Variants in SDK1 observed in about 807,000 individuals in gnomAD.
The protein encoded by SDK1 is sidekick cell adhesion molecule 1.
SDK1 carries 157 observed loss-of-function variants against 245.5 expected under a neutral mutation model. That is an observed-to-expected ratio of 0.64 (90% CI 0.56 to 0.73). The LOEUF (loss-of-function observed/expected upper bound fraction) is 0.73. Among genes scored for constraint, SDK1 ranks in the 30% least tolerant of loss-of-function variants. The pLI is 0.00. For synonymous variants in SDK1, 1,647 were observed against 1,278.5 expected (o/e 1.29, Z -6.15); for missense variants, 3,583 against 3,002.3 (o/e 1.19, Z -4.52).
At chr7:3,823,511 G>A (rs1195371011) in intron 5 of SDK1, among the ~76,000 whole-genome samples, 2 of 152,164 alleles carry the variant, frequency 1.3e-5, no homozygotes, top group Non-Finnish European at 2.9e-5. Context: ...AAAATAAAGC[G>A]AGTACAGTGA....
intron 19 of SDK1, among the ~76,000 whole-genome samples, chr7:4,065,701 T>G (rs951584263): frequency 0.035 from 2,758 of 78,586 alleles, 25 homozygotes; most frequent in African/African-American, 0.047. Flanking sequence ...GTTGTTTTTT[T>G]TTTTTTTTTT....
rs551185760 is a variant in SDK1, at chr7:3,903,550, G to GA, written c.848-47369dup. 2.6e-5 allele frequency among the ~76,000 whole-genome samples: 4 copies of GA among 152,262 alleles called. No homozygotes were observed. The East Asian group carries it at 7.7e-4, about 29-fold the overall frequency. On this transcript the variant is annotated intron_variant, in intron 5 of 44. Coordinates refer to ENST00000404826, the MANE Select transcript of SDK1 (RefSeq NM_152744.4). ...ATTGTAAAAGGGTACAGCTGCTGTG[G>GA]AAAAGAGTTTGGCATTTCCTCAAAA...
intron 5 of SDK1, among the ~76,000 whole-genome samples, chr7:3,893,184 G>T (rs1253242456): frequency 1.3e-5 from 2 of 152,130 alleles, no homozygotes; most frequent in African/African-American, 4.8e-5. Flanking sequence ...GAAATTTTTT[G>T]TTGTGTTGAG....
chr7:3,893,923 C>G (rs896552490), intron 5 of SDK1, among the ~76,000 whole-genome samples: 2 of 152,118 alleles, frequency 1.3e-5, no homozygotes, highest in Non-Finnish European at 2.9e-5. Context: ...CAGGTTTACA[C>G]TGGAATTAGA....
At chr7:4,076,945 T>C (rs748687029) in intron 20 of SDK1, 53 bp from the exon 21 acceptor site, 16 of 1,497,240 alleles carry the variant, frequency 1.1e-5, no homozygotes, top group Non-Finnish European at 1.5e-5. Flanking sequence ...GGAATTCAGG[T>C]GAGCCCTTGG....
At chr7:3,956,872 C>T (rs377531631) in intron 7 of SDK1, among the ~76,000 whole-genome samples, 1 of 152,286 alleles carries the variant, frequency 6.6e-6, no homozygotes, top group East Asian at 1.9e-4. Context: ...GTGGAGTGCC[C>T]GTCTCCCTGA....
intron 1 of SDK1, among the ~76,000 whole-genome samples, chr7:3,493,310 T>A (rs1781920755): frequency 6.6e-6 from 1 of 152,208 alleles, no homozygotes; most frequent in African/African-American, 2.4e-5. Context: ...TTCATCTAAC[T>A]GTCCATTCAG....
chr7:3,404,293 G>T (rs900840757), intron 1 of SDK1, among the ~76,000 whole-genome samples: 55 of 152,194 alleles, frequency 3.6e-4, no homozygotes, highest in African/African-American at 1.3e-3. Context: ...ATATGTTTCT[G>T]TGTATATTTA....
chr7:3,522,810 C>T (rs1387788949), intron 1 of SDK1, among the ~76,000 whole-genome samples: 4 of 152,056 alleles, frequency 2.6e-5, no homozygotes, highest in East Asian at 1.9e-4. Context: ...AAATTGTTTC[C>T]GTGTTGATCC....
intron 4 of SDK1, among the ~76,000 whole-genome samples, chr7:3,732,068 G>A (rs1054619808): frequency 6.6e-6 from 1 of 152,224 alleles, no homozygotes; most frequent in Admixed American, 6.5e-5. Flanking sequence ...GGGATTACAG[G>A]CGTGAGCCAC....
At chr7:3,905,569 C>G (rs1778871450) in intron 5 of SDK1, among the ~76,000 whole-genome samples, 1 of 151,890 alleles carries the variant, frequency 6.6e-6, no homozygotes, top group Non-Finnish European at 1.5e-5. Context: ...TAGTTATTTT[C>G]TCCTGTTTAA....
chr7:3,770,127 T>G (rs1780366751), intron 4 of SDK1, among the ~76,000 whole-genome samples: 1 of 152,032 alleles, frequency 6.6e-6, no homozygotes, highest in Non-Finnish European at 1.5e-5. Flanking sequence ...AAGGGATCCT[T>G]GCGGTGATGG....
At chr7:3,835,491 A>T (rs1236058965) in intron 5 of SDK1, among the ~76,000 whole-genome samples, 1 of 151,928 alleles carries the variant, frequency 6.6e-6, no homozygotes, top group Non-Finnish European at 1.5e-5. Context: ...AATTAAATTA[A>T]CCTGCCTCCG....
intron 1 of SDK1, among the ~76,000 whole-genome samples, chr7:3,556,286 G>C (rs1296772317): frequency 6.6e-6 from 1 of 152,108 alleles, no homozygotes; most frequent in Non-Finnish European, 1.5e-5. Flanking sequence ...TTGTTAAGTG[G>C]AGTAGGTCAA....
chr7:3,945,438 A>G (rs1370479299), intron 5 of SDK1, among the ~76,000 whole-genome samples: 4 of 152,222 alleles, frequency 2.6e-5, no homozygotes, highest in Non-Finnish European at 5.9e-5. Context: ...GAGGAACACA[A>G]AACAGAACTT....
At chr7:3,534,283 A>G (rs753668413) in intron 1 of SDK1, among the ~76,000 whole-genome samples, 1 of 151,972 alleles carries the variant, frequency 6.6e-6, no homozygotes, top group Non-Finnish European at 1.5e-5. Context: ...TTCTTTACCC[A>G]TTCATCTGTC....
At chr7:3,898,463 GTCA>G (rs1781677260) in intron 5 of SDK1, among the ~76,000 whole-genome samples, 1 of 152,142 alleles carries the variant, frequency 6.6e-6, no homozygotes, top group Non-Finnish European at 1.5e-5. Context: ...ATAAATACAA[GTCA>G]TCATTAAAAT....
At chr7:3,720,955 C>T (rs1447598301) in intron 4 of SDK1, among the ~76,000 whole-genome samples, 1 of 152,190 alleles carries the variant, frequency 6.6e-6, no homozygotes, top group African/African-American at 2.4e-5. Context: ...CTGGGATAGA[C>T]CTCAAGAGAG....
At chr7:3,820,303 C>T (rs987787112) in intron 4 of SDK1, among the ~76,000 whole-genome samples, 5 of 152,284 alleles carry the variant, frequency 3.3e-5, no homozygotes, top group African/African-American at 9.6e-5. Flanking sequence ...GCGTGTGCCA[C>T]CACGCCGAAC....
Sources: allele counts gnomAD v4.1 joint callset (sites outside exome capture counted in the v4.1 genomes callset), GRCh38; gene constraint gnomAD v4.1.1; transcripts MANE v1.5; gene names NCBI Gene and HGNC (gene_info 2026-07-23, HGNC 2026-07-21).